ZYG11B: variants seen among roughly 807,000 people sequenced by gnomAD.
The protein encoded by ZYG11B is zyg-11 family member B, cell cycle regulator.
In ZYG11B, 36 loss-of-function variants were observed where a neutral mutation model predicts 82.4. The ratio of observed to expected loss-of-function variants is 0.44; its 90% confidence interval spans 0.33 to 0.58. The LOEUF is 0.58. ZYG11B is among the 20% of genes least tolerant of loss of function. The pLI, the probability that ZYG11B is intolerant of heterozygous loss-of-function variation, is 0.02. For synonymous variants in ZYG11B, 303 were observed against 312.8 expected (o/e 0.97, Z 0.33); for missense variants, 552 against 895.6 (o/e 0.62, Z 4.90).
intron 8 of ZYG11B, among the ~76,000 whole-genome samples, chr1:52,797,197 AT>A (rs1645026189): frequency 1.4e-5 from 1 of 70,028 alleles, no homozygotes; most frequent in Non-Finnish European, 2.3e-5. Flanking sequence ...TTATATATAA[AT>A]TATTTATATA....
intron 10 of ZYG11B, among the ~76,000 whole-genome samples, chr1:52,803,143 T>TATATATATACACACAC (rs1558140216): frequency 1.4e-5 from 1 of 72,776 alleles, no homozygotes; most frequent in Admixed American, 1.6e-4. Flanking sequence ...TACACACATA[T>TATATATATACACACAC]ATATATATAT....
At chr1:52,785,346 G>T (rs2149948396) in intron 5 of ZYG11B, among the ~76,000 whole-genome samples, 1 of 152,302 alleles carries the variant, frequency 6.6e-6, no homozygotes, top group South Asian at 2.1e-4. Flanking sequence ...TCTGGGCTAG[G>T]CACTATCAAA....
At chr1:52,790,597 T>TGGA (rs903487600) in intron 6 of ZYG11B, among the ~76,000 whole-genome samples, 1 of 151,596 alleles carries the variant, frequency 6.6e-6, no homozygotes, top group Non-Finnish European at 1.5e-5. Flanking sequence ...GGCGCACGCC[T>TGGA]GGAATCCCAG....
chr1:52,793,606 A>G (rs904180525), intron 6 of ZYG11B, among the ~76,000 whole-genome samples: 2 of 152,332 alleles, frequency 1.3e-5, no homozygotes, highest in South Asian at 2.1e-4. Flanking sequence ...AATTTATTTT[A>G]TTGTTATCAT....
chr1:52,772,716 C>A, intron 3 of ZYG11B: 1 of 679,634 alleles, frequency 1.5e-6, no homozygotes, highest in Non-Finnish European at 2.7e-6. Flanking sequence ...CTTGCTCTGT[C>A]GCCCAGGCTG....
intron 6 of ZYG11B, 49 bp downstream of exon 6, chr1:52,790,116 A>T: frequency 7.3e-7 from 1 of 1,370,354 alleles, no homozygotes; most frequent in Non-Finnish European, 1.0e-6. Context: ...GAATGTTAGA[A>T]ATCTGTCTTG....
At position 52,771,430 on chromosome 1, in the gene ZYG11B, G is replaced by A; in HGVS notation, c.607G>A (p.Ala203Thr). 6.2e-7 allele frequency: 1 copy of A among 1,613,930 alleles called. No individual in the cohort carries two copies. Residue 203 changes from alanine (A) to threonine (T), a missense_variant, in exon 3 of 14, where the codon GCT becomes ACT. Transcript: ENST00000294353. This position sits in a 1 kb window ranked among gnomAD's most constrained non-coding sequence, Gnocchi z 5.4. ...TAACACCTCAATCACAGACATCACT[G>A]CTCTACTGGCCTGCAAAGACCGACT... The part of the protein sequence containing the change: ...ISNTSITDIT[A>T]LLACKDRLKS...
intron 6 of ZYG11B, among the ~76,000 whole-genome samples, chr1:52,790,749 T>A (rs1448169417): frequency 7.1e-6 from 1 of 139,960 alleles, no homozygotes; most frequent in Non-Finnish European, 1.5e-5. Flanking sequence ...AAGACATAGG[T>A]CTTCTAATTC....
rs56049155 is a variant in ZYG11B at position 52,750,253 on chromosome 1, C to T, written c.31-6205C>T. Among the ~76,000 whole-genome samples the T allele has an allele frequency of 5.0e-3, 737 of 148,650 alleles. 12 individuals are homozygous for T. The highest frequency in any genetic ancestry group is 0.018 in the African/African-American group (699 of 39,812). On this transcript the variant is annotated intron_variant, in intron 1 of 13. Transcript: ENST00000294353. ...GCTGGGCTTGCAAGTGTGAGCCACT[C>T]TGCCTGGCCCCCAGCAACTATTTTT... is the stretch of plus-strand genomic sequence containing the variant.
chr1:52,791,099 G>A (rs1644955384), intron 6 of ZYG11B, among the ~76,000 whole-genome samples: 1 of 151,700 alleles, frequency 6.6e-6, no homozygotes, highest in African/African-American at 2.4e-5. Flanking sequence ...AGCTAACTGA[G>A]TAGCTGGGAT....
chr1:52,805,497 G>T, intron 10 of ZYG11B: 1 of 455,886 alleles, frequency 2.2e-6, no homozygotes, highest in South Asian at 1.5e-5. Flanking sequence ...TGATACAGAA[G>T]TTGGCTCAGG....
chr1:52,739,582 ATTAAG>A (rs1258122314), intron 1 of ZYG11B, among the ~76,000 whole-genome samples: 5 of 152,004 alleles, frequency 3.3e-5, no homozygotes, highest in Non-Finnish European at 7.4e-5. Flanking sequence ...TTTTATTTCA[ATTAAG>A]TTAATATTTG....
At chr1:52,782,698 C>G (rs139519466) in intron 4 of ZYG11B, among the ~76,000 whole-genome samples, 1 of 152,274 alleles carries the variant, frequency 6.6e-6, no homozygotes, top group East Asian at 1.9e-4. Context: ...CTGCCTAAGC[C>G]TCCTGAGTAG....
Position 52,803,241 on chromosome 1 carries a change from C to T in ZYG11B, c.1695+1102C>T, listed in dbSNP as rs190803162. Among the ~76,000 whole-genome samples the T allele has an allele frequency of 4.6e-3, 187 of 40,960 alleles. 8 individuals are homozygous for T. The East Asian group carries it at 0.062, about 14-fold the overall frequency. 26.9% of individuals were successfully genotyped at this position (40,960 alleles called of 152,430 possible). On this transcript the variant is annotated intron_variant, in intron 10 of 13. Transcript: ENST00000294353. ...ATATATATACACACATATATATATA[C>T]ACACACACATATATATATATATATA...
At chr1:52,803,820 G>T (rs1160093711) in intron 10 of ZYG11B, among the ~76,000 whole-genome samples, 4 of 152,256 alleles carry the variant, frequency 2.6e-5, no homozygotes, top group African/African-American at 9.6e-5. Flanking sequence ...GCCCAGGCTG[G>T]TGTCAAATTC....
chr1:52,726,887 C>A (rs571869429), intron 1 of ZYG11B, among the ~76,000 whole-genome samples: 1 of 152,120 alleles, frequency 6.6e-6, no homozygotes, highest in East Asian at 1.9e-4. Context: ...TTAGGTGACA[C>A]CCCCTGAATC....
chr1:52,789,915 C>CTT (rs58685388), intron 5 of ZYG11B, 88 bp from the exon 6 acceptor site: 3,433 of 724,974 alleles, frequency 4.7e-3, no homozygotes, highest in East Asian at 0.026. Flanking sequence ...CAGTCTTCTT[C>CTT]TTTTTTTTTT....
chr1:52,797,423 C>CATATATATTATATATCATAT (rs1558137812), intron 8 of ZYG11B, among the ~76,000 whole-genome samples: 1 of 91,836 alleles, frequency 1.1e-5, no homozygotes, highest in Admixed American at 1.7e-4. Flanking sequence ...ATATATTATA[C>CATATATATTATATATCATAT]ATATTATATA....
At chr1:52,798,377 G>A (rs1645046081) in intron 8 of ZYG11B, among the ~76,000 whole-genome samples, 1 of 152,086 alleles carries the variant, frequency 6.6e-6, no homozygotes, top group African/African-American at 2.4e-5. Context: ...ATTTTGGGAG[G>A]CCAAGGCAGG....
Sources: gnomAD v4.1 joint callset for allele counts (sites outside exome capture counted in the v4.1 genomes callset) on GRCh38, gnomAD v4.1.1 for gene constraint, Gnocchi (gnomAD v3.1) non-coding constraint, MANE v1.5 for transcripts, NCBI Gene and HGNC (gene_info 2026-07-23, HGNC 2026-07-21) for gene names.